TMEM170B: variants seen among roughly 807,000 people sequenced by gnomAD.
TMEM170B encodes transmembrane protein 170B.
In TMEM170B, 6 loss-of-function variants were observed where a neutral mutation model predicts 13.0. The observed-to-expected ratio is 0.46, with a 90% CI of 0.25 to 0.91. The LOEUF (loss-of-function observed/expected upper bound fraction) is 0.91, where lower values mean the gene tolerates loss of function less well. TMEM170B is among the 40% of genes least tolerant of loss of function. The pLI, the probability that TMEM170B is intolerant of heterozygous loss-of-function variation, is 0.17. For missense variants in TMEM170B, 138 were observed against 165.2 expected (o/e 0.84, Z 0.90); for synonymous variants, 61 against 64.9 (o/e 0.94, Z 0.29).
intron 1 of TMEM170B, among the ~76,000 whole-genome samples, chr6:11,552,710 T>C (rs574885274): frequency 3.9e-5 from 6 of 152,288 alleles, no homozygotes; most frequent in African/African-American, 1.4e-4. Flanking sequence ...ATGGGTAACA[T>C]ATATTCTCTG....
rs1368948012 is a variant in TMEM170B, at chr6:11,578,148, A to G, written c.*2587A>G. ...AGTGGAAAATTTGTTCAGTGTAATG[A>G]TCTTTTAAATAGGTTTGAGGATGTT... is the stretch of plus-strand genomic sequence containing the variant. On this transcript the variant is annotated 3_prime_UTR_variant, in exon 3 of 3. Coordinates refer to ENST00000379426, the MANE Select transcript of TMEM170B (RefSeq NM_001100829.3). 6.6e-6 allele frequency: 1 copy of G among 152,050 alleles called. No homozygotes were observed. The highest frequency in any genetic ancestry group is 1.9e-4 in the East Asian group (1 of 5,196). 9.4% of individuals were successfully genotyped at this position (152,050 alleles called of 1,614,324 possible). A position where few individuals can be genotyped will look rare whatever the true frequency, so the allele number is the denominator to read the frequency against.
At chr6:11,539,315 T>A (rs1759328706) in intron 1 of TMEM170B, among the ~76,000 whole-genome samples, 1 of 152,204 alleles carries the variant, frequency 6.6e-6, no homozygotes, top group Non-Finnish European at 1.5e-5. Context: ...CTTAAAAAAA[T>A]ACTCAGAATT....
Position 11,577,943 on chromosome 6 carries a change from CTT to C in TMEM170B, c.*2383_*2384del, listed in dbSNP as rs1759901794. ...TGAATAGTTTGAGTTTGTGAATTGT[CTT>C]AATAGCTATTTATATGCTGAAATTT... On this transcript the variant is annotated 3_prime_UTR_variant, in exon 3 of 3. Coordinates refer to ENST00000379426, the MANE Select transcript of TMEM170B (RefSeq NM_001100829.3). The C allele has an allele frequency of 1.3e-5, 2 of 152,044 alleles. No homozygotes were observed. Among genetic ancestry groups the C allele is most frequent in the African/African-American group, 2.4e-5 (1 of 41,432 alleles). 9.4% of individuals were successfully genotyped at this position (152,044 alleles called of 1,614,324 possible).
At chr6:11,562,408 T>C (rs12194423) in intron 1 of TMEM170B, among the ~76,000 whole-genome samples, 8,512 of 149,552 alleles carry the variant, frequency 0.057, 265 homozygotes, top group East Asian at 0.15. Context: ...GCATCTATCT[T>C]GTATGCCATT....
chr6:11,565,689 T>C lies in TMEM170B; in HGVS notation c.121T>C (p.Trp41Arg). 6.2e-7 allele frequency: 1 copy of C among 1,614,182 alleles called. No individual in the cohort carries two copies. Residue 41 changes from tryptophan to arginine, a missense_variant, in exon 2 of 3, where the codon TGG becomes CGG. Trp to Arg is a moderately radical substitution (Grantham distance 101). Coordinates refer to ENST00000379426, the MANE Select transcript of TMEM170B (RefSeq NM_001100829.3). ...LTEMWYWIFL[W>R]ALFSSLFVHG... ...AGAGATGTGGTACTGGATCTTCCTC[T>C]GGGCTCTCTTCTCTTCTCTGTTTGT...
At position 11,578,782 on chromosome 6, in the gene TMEM170B, TAAAG is replaced by T. The variant is rs1367064781; in HGVS notation, c.*3225_*3228del. ...TTGTTTGTACTTTAAATGAGAGAAA[TAAAG>T]AAATGAGTTGGCCTGTATATCTTGT... On this transcript the variant is annotated 3_prime_UTR_variant, in exon 3 of 3. Coordinates refer to ENST00000379426, the MANE Select transcript of TMEM170B (RefSeq NM_001100829.3). 1.3e-5 allele frequency: 2 copies of T among 152,150 alleles called. No individual in the cohort carries two copies. The highest frequency in any genetic ancestry group is 2.9e-5 in the Non-Finnish European group (2 of 67,996). The allele number at this position is 152,150 out of a possible 1,614,324, so 9.4% of individuals were successfully genotyped here. A position where few individuals can be genotyped will look rare whatever the true frequency, so the allele number is the denominator to read the frequency against.
intron 2 of TMEM170B, among the ~76,000 whole-genome samples, chr6:11,567,064 C>G (rs1027828553): frequency 6.6e-6 from 1 of 152,170 alleles, no homozygotes; most frequent in Non-Finnish European, 1.5e-5. Context: ...TGACAACTGC[C>G]GGACCATCAC....
intron 2 of TMEM170B, among the ~76,000 whole-genome samples, chr6:11,567,545 A>G (rs1302008264): frequency 1.3e-5 from 2 of 152,208 alleles, no homozygotes; most frequent in Non-Finnish European, 1.5e-5. Context: ...GGTATGTCCT[A>G]TGGCACTAAT....
At chr6:11,566,884 G>A (rs1759741423) in intron 2 of TMEM170B, among the ~76,000 whole-genome samples, 1 of 152,214 alleles carries the variant, frequency 6.6e-6, no homozygotes, top group South Asian at 2.1e-4. Context: ...GTTTTCCGGT[G>A]GAATGCCCCC....
intron 2 of TMEM170B, among the ~76,000 whole-genome samples, chr6:11,572,925 A>G (rs1406857823): frequency 6.6e-6 from 1 of 152,020 alleles, no homozygotes; most frequent in Non-Finnish European, 1.5e-5. Context: ...ACAAATCTAT[A>G]TTTTCCTTTT....
chr6:11,581,528 G>A lies in TMEM170B; in HGVS notation c.*5967G>A, dbSNP rs1759956512. 2 of 152,150 alleles carry A rather than the reference G, an allele frequency of 1.3e-5. No individual in the cohort carries two copies. Among genetic ancestry groups the A allele is most frequent in the African/African-American group, 4.8e-5 (2 of 41,420 alleles). The allele number at this position is 152,150 out of a possible 1,614,324, so 9.4% of individuals were successfully genotyped here. A position where few individuals can be genotyped will look rare whatever the true frequency, so the allele number is the denominator to read the frequency against. Reference sequence around the variant, plus strand: ...TCCACCCTTTTTGGGAATGTATTTAGGTGGATAACTGAAACGGAAAAGCAG... The same window carrying A: ...TCCACCCTTTTTGGGAATGTATTTAAGTGGATAACTGAAACGGAAAAGCAG... On this transcript the variant is annotated 3_prime_UTR_variant, in exon 3 of 3. Transcript: ENST00000379426.
intron 1 of TMEM170B, among the ~76,000 whole-genome samples, chr6:11,539,792 A>G (rs1461562092): frequency 6.6e-6 from 1 of 152,182 alleles, no homozygotes; most frequent in Non-Finnish European, 1.5e-5. Context: ...ACTGTTTGGT[A>G]TTTGAACTGT....
intron 1 of TMEM170B, among the ~76,000 whole-genome samples, chr6:11,545,323 TAAG>T (rs1353198235): frequency 1.3e-5 from 2 of 150,398 alleles, no homozygotes; most frequent in African/African-American, 5.0e-5. Context: ...GTACTAGTAG[TAAG>T]TAGTAGTAGT....
At chr6:11,556,599 C>G (rs1407675156) in intron 1 of TMEM170B, among the ~76,000 whole-genome samples, 1 of 152,052 alleles carries the variant, frequency 6.6e-6, no homozygotes, top group Non-Finnish European at 1.5e-5. Context: ...AGCATTCCTG[C>G]CTTTCTGAAC....
At chr6:11,565,437 A>G (rs916554544) in intron 1 of TMEM170B, among the ~76,000 whole-genome samples, 1 of 152,238 alleles carries the variant, frequency 6.6e-6, no homozygotes, top group African/African-American at 2.4e-5. Flanking sequence ...AAATTAGAGT[A>G]TAGTGTTAAC....
intron 2 of TMEM170B, among the ~76,000 whole-genome samples, chr6:11,569,581 T>A (rs553153458): frequency 2.6e-5 from 4 of 152,204 alleles, no homozygotes; most frequent in African/African-American, 9.6e-5. Context: ...CATAGACATA[T>A]GTAAATGAAT....
At chr6:11,571,349 A>G (rs892838392) in intron 2 of TMEM170B, among the ~76,000 whole-genome samples, 6 of 152,030 alleles carry the variant, frequency 3.9e-5, no homozygotes, top group African/African-American at 1.4e-4. Flanking sequence ...GCTTTCTGTC[A>G]GGAAATACAC....
intron 2 of TMEM170B, among the ~76,000 whole-genome samples, chr6:11,568,496 A>G (rs1259207938): frequency 2.0e-5 from 3 of 152,146 alleles, no homozygotes; most frequent in African/African-American, 7.2e-5. Flanking sequence ...GAGAAATGGA[A>G]TTCTTCCATT....
chr6:11,554,113 A>G (rs1759558527), intron 1 of TMEM170B, among the ~76,000 whole-genome samples: 1 of 152,064 alleles, frequency 6.6e-6, no homozygotes, highest in Non-Finnish European at 1.5e-5. Flanking sequence ...TCAGGAATGT[A>G]TTATATTGAG....
Sources: gnomAD v4.1 joint callset for allele counts (sites outside exome capture counted in the v4.1 genomes callset) on GRCh38, gnomAD v4.1.1 for gene constraint, MANE v1.5 for transcripts, NCBI Gene and HGNC (gene_info 2026-07-23, HGNC 2026-07-21) for gene names.